The following GLI3 variants were observed in gnomAD, a reference collection of about 807,000 sequenced individuals.
GLI3 encodes the protein GLI family zinc finger 3, also known as transcription activator GLI3.
In GLI3, 20 loss-of-function variants were observed where a neutral mutation model predicts 100.8. The observed-to-expected ratio is 0.20, with a 90% CI of 0.14 to 0.29. The LOEUF (loss-of-function observed/expected upper bound fraction) is 0.29. Among genes scored for constraint, GLI3 ranks in the 10% least tolerant of loss-of-function variants. The probability of loss-of-function intolerance (pLI) is 1.00; values close to 1 mark genes in which losing one functional copy is unlikely to be tolerated. For missense variants in GLI3, 2,040 were observed against 2,128.5 expected (o/e 0.96, Z 0.82); for synonymous variants, 938 against 860.5 (o/e 1.09, Z -1.58).
chr7:41,989,021 G>A (rs146900801), intron 10 of GLI3, among the ~76,000 whole-genome samples: 26 of 152,284 alleles, frequency 1.7e-4, no homozygotes, highest in African/African-American at 6.3e-4. Context: ...TGTGCACATC[G>A]TTTCTACAAG....
intron 1 of GLI3, among the ~76,000 whole-genome samples, chr7:42,255,422 C>A (rs1485162099): frequency 6.6e-6 from 1 of 152,116 alleles, no homozygotes; most frequent in East Asian, 1.9e-4. Flanking sequence ...ATTACAATCC[C>A]ATTTTAGACA....
At chr7:42,163,130 C>A (rs1199365156) in intron 2 of GLI3, among the ~76,000 whole-genome samples, 1 of 152,070 alleles carries the variant, frequency 6.6e-6, no homozygotes, top group Non-Finnish European at 1.5e-5. Flanking sequence ...ATATTCAGGT[C>A]ACAGTCTTCC....
At position 41,972,319 on chromosome 7, in the gene GLI3, G is replaced by A; in HGVS notation, c.2103+18C>T. On this transcript the variant is annotated intron_variant, in intron 13 of 14. Transcript: ENST00000395925. This position sits in a 1 kb window ranked among gnomAD's most constrained non-coding sequence, Gnocchi z 4.4. ...AAATGGGCCTGCTGTGAAGTCAGAA[G>A]GAGAGTGAATGACATACCATTGGCT... 1 of 1,611,390 alleles carries A rather than the reference G, an allele frequency of 6.2e-7. No individual in the cohort carries two copies. Among genetic ancestry groups the A allele is most frequent in the Non-Finnish European group, 8.5e-7 (1 of 1,177,866 alleles).
chr7:42,057,822 G>A (rs1784493499), intron 4 of GLI3, among the ~76,000 whole-genome samples: 1 of 152,156 alleles, frequency 6.6e-6, no homozygotes, highest in East Asian at 1.9e-4. Flanking sequence ...TGGGAGCTGA[G>A]CTATGGGTAT....
intron 3 of GLI3, among the ~76,000 whole-genome samples, chr7:42,101,433 T>C (rs1785458706): frequency 1.3e-5 from 2 of 151,970 alleles, no homozygotes; most frequent in Non-Finnish European, 1.5e-5. Context: ...AGACCTGGTC[T>C]CTACAATTTT....
At chr7:42,175,618 C>CA (rs545191898) in intron 2 of GLI3, among the ~76,000 whole-genome samples, 26,456 of 130,132 alleles carry the variant, frequency 0.2, 4,639 homozygotes, top group African/African-American at 0.49. Context: ...ACTCTGTCTC[C>CA]AAAAAAAAAA....
chr7:42,049,035 A>C (rs1431640625), intron 4 of GLI3, among the ~76,000 whole-genome samples: 1 of 152,118 alleles, frequency 6.6e-6, no homozygotes, highest in Non-Finnish European at 1.5e-5. Context: ...CTACAATTGT[A>C]TTTTCCACTT....
chr7:42,018,727 G>C (rs1335623096), intron 10 of GLI3, among the ~76,000 whole-genome samples: 2 of 152,190 alleles, frequency 1.3e-5, no homozygotes, highest in Non-Finnish European at 2.9e-5. Context: ...CATGCTTTTA[G>C]AGATCAAAAT....
chr7:42,252,185 C>CTT (rs35891083), intron 1 of GLI3, among the ~76,000 whole-genome samples: 127,709 of 151,962 alleles, frequency 0.84, 53,781 homozygotes, highest in Middle Eastern at 0.93. Context: ...GAGATCACGT[C>CTT]TTGTGAGAAC....
intron 14 of GLI3, 27 bp downstream of exon 14, chr7:41,967,569 A>G (rs747545531): frequency 6.6e-7 from 1 of 1,513,390 alleles, no homozygotes; most frequent in Admixed American, 1.7e-5. Context: ...AACCCTGAGC[A>G]GATGCATGGT....
chr7:42,184,895 C>T (rs1787688578), intron 2 of GLI3, among the ~76,000 whole-genome samples: 1 of 152,158 alleles, frequency 6.6e-6, no homozygotes, highest in South Asian at 2.1e-4. Context: ...TTCGTTGCAT[C>T]CTGACATCTC....
At chr7:42,133,079 T>G (rs747904434) in intron 3 of GLI3, among the ~76,000 whole-genome samples, 1 of 152,206 alleles carries the variant, frequency 6.6e-6, no homozygotes. Flanking sequence ...TATTAATTCC[T>G]AAAAGAAATA....
intron 3 of GLI3, among the ~76,000 whole-genome samples, chr7:42,133,186 A>G (rs1786337228): frequency 6.6e-6 from 1 of 152,234 alleles, no homozygotes; most frequent in South Asian, 2.1e-4. Context: ...TACTTAAGTG[A>G]AAAGAAAACA....
chr7:42,146,756 T>C (rs1786720735), intron 3 of GLI3, among the ~76,000 whole-genome samples: 1 of 152,186 alleles, frequency 6.6e-6, no homozygotes, highest in Non-Finnish European at 1.5e-5. Context: ...ATGGATGATG[T>C]TTAAAAGAGA....
chr7:42,032,985 C>T (rs846332), intron 7 of GLI3, among the ~76,000 whole-genome samples: 89,239 of 151,968 alleles, frequency 0.59, 27,247 homozygotes, highest in African/African-American at 0.76. Context: ...CACCAGCACA[C>T]GATATATGTG....
At chr7:42,084,898 ATTCTTTT>A (rs1785069181) in intron 3 of GLI3, among the ~76,000 whole-genome samples, 1 of 91,896 alleles carries the variant, frequency 1.1e-5, no homozygotes, top group Non-Finnish European at 2.1e-5. Flanking sequence ...ATGCATTTGG[ATTCTTTT>A]TTTTTTTTTT....
At chr7:42,251,941 C>T (rs1583676128) in intron 1 of GLI3, among the ~76,000 whole-genome samples, 1 of 152,004 alleles carries the variant, frequency 6.6e-6, no homozygotes, top group Non-Finnish European at 1.5e-5. Context: ...AAAAAATGAA[C>T]ACACTCTGAC....
chr7:42,078,980 C>T (rs1398774760), intron 3 of GLI3, among the ~76,000 whole-genome samples: 3 of 152,126 alleles, frequency 2.0e-5, no homozygotes, highest in African/African-American at 4.8e-5. Context: ...CTGCCCGCCT[C>T]GGCCTCCCAA....
chr7:42,179,142 A>G (rs1424881487), intron 2 of GLI3, among the ~76,000 whole-genome samples: 1 of 152,020 alleles, frequency 6.6e-6, no homozygotes. Flanking sequence ...ATTAAGTCTC[A>G]CGAGATCTGA....
Sources: allele counts gnomAD v4.1 joint callset (sites outside exome capture counted in the v4.1 genomes callset), GRCh38; gene constraint gnomAD v4.1.1; non-coding constraint Gnocchi (gnomAD v3.1); transcripts MANE v1.5; gene names NCBI Gene and HGNC (gene_info 2026-07-23, HGNC 2026-07-21).